Variants in AGPAT5 observed in about 807,000 individuals in gnomAD.
The protein encoded by AGPAT5 is 1-acylglycerol-3-phosphate O-acyltransferase 5, also known as 1-acyl-sn-glycerol-3-phosphate acyltransferase epsilon.
AGPAT5 carries 46 observed loss-of-function variants against 45.6 expected under a neutral mutation model. The observed-to-expected ratio is 1.01, with a 90% CI of 0.80 to 1.29. The LOEUF (loss-of-function observed/expected upper bound fraction) is 1.29, where lower values mean the gene tolerates loss of function less well. Ranked by LOEUF, AGPAT5 falls within the 50% of genes most tolerant of loss-of-function variation. AGPAT5 has a pLI of 0.00. For missense variants in AGPAT5, 673 were observed against 450.7 expected, an observed-to-expected ratio of 1.49 and a Z score of -4.47; for synonymous variants, 272 against 167.0, an observed-to-expected ratio of 1.63 and a Z score of -4.85.
intron 6 of AGPAT5, among the ~76,000 whole-genome samples, chr8:6,753,524 G>A (rs532511505): frequency 5.9e-5 from 9 of 152,248 alleles, no homozygotes; most frequent in African/African-American, 2.2e-4. Flanking sequence ...CATACTGTGT[G>A]CCAAGCACTC....
chr8:6,710,463 T>C (rs1479708789), intron 1 of AGPAT5, among the ~76,000 whole-genome samples: 10 of 152,240 alleles, frequency 6.6e-5, no homozygotes, highest in Admixed American at 6.5e-4. Context: ...CAAAATTTTG[T>C]TTAATGTGTG....
intron 6 of AGPAT5, 95 bp downstream of exon 6, chr8:6,747,923 T>C (rs1432273672): frequency 2.3e-6 from 3 of 1,331,378 alleles, no homozygotes; most frequent in South Asian, 3.2e-5. Flanking sequence ...TTAAGTGTAC[T>C]TTTTTCCTTC....
chr8:6,735,448 C>G (rs889885140), intron 4 of AGPAT5, among the ~76,000 whole-genome samples: 1 of 152,128 alleles, frequency 6.6e-6, no homozygotes, highest in Non-Finnish European at 1.5e-5. Flanking sequence ...TGTCTGTAGC[C>G]CAGGGGTTCG....
chr8:6,736,080 C>G (rs1160539609), intron 4 of AGPAT5, among the ~76,000 whole-genome samples: 4 of 152,120 alleles, frequency 2.6e-5, no homozygotes. Context: ...TCTCGAACTC[C>G]TGACCTCTTG....
chr8:6,718,575 G>C (rs1559743), intron 1 of AGPAT5, among the ~76,000 whole-genome samples: 5,861 of 152,300 alleles, frequency 0.038, 125 homozygotes, highest in Non-Finnish European at 0.049. Context: ...TAGTCTGCAA[G>C]CATCCTGATT....
At chr8:6,751,894 G>A (rs1247903326) in intron 6 of AGPAT5, among the ~76,000 whole-genome samples, 1 of 152,064 alleles carries the variant, frequency 6.6e-6, no homozygotes, top group African/African-American at 2.4e-5. Context: ...TTTAAAGTAT[G>A]GAGGCCGGGC....
chr8:6,757,577 A>G lies in AGPAT5; in HGVS notation c.*189A>G. 1.8e-6 allele frequency: 1 copy of G among 565,106 alleles called. No individual in the cohort carries two copies. Among genetic ancestry groups the G allele is most frequent in the African/African-American group, 1.9e-5 (1 of 53,432 alleles). The allele number at this position is 565,106 out of a possible 1,614,324, so 35.0% of individuals were successfully genotyped here. ...TTGGGCAAACATACCTGGTTGTACA[A>G]CTTTAGCATCGGGGCTGCTGGAAGG... On this transcript the variant is annotated 3_prime_UTR_variant, in exon 8 of 8. Coordinates refer to ENST00000285518, the MANE Select transcript of AGPAT5 (RefSeq NM_018361.5).
intron 4 of AGPAT5, among the ~76,000 whole-genome samples, chr8:6,734,804 C>T (rs1033714621): frequency 1.8e-4 from 27 of 151,974 alleles, no homozygotes; most frequent in African/African-American, 6.5e-4. Context: ...AGGAGGTGCA[C>T]TGCATTTGGG....
intron 1 of AGPAT5, among the ~76,000 whole-genome samples, chr8:6,715,856 G>C (rs953473595): frequency 5.3e-5 from 8 of 152,108 alleles, no homozygotes; most frequent in Non-Finnish European, 1.2e-4. Context: ...TTTTTACTTT[G>C]AACATGCGTA....
intron 1 of AGPAT5, among the ~76,000 whole-genome samples, chr8:6,718,804 C>T (rs1800411239): frequency 6.6e-6 from 1 of 152,152 alleles, no homozygotes; most frequent in South Asian, 2.1e-4. Context: ...TTCTTTCATT[C>T]CTGATCATCC....
At chr8:6,732,798 A>T in intron 4 of AGPAT5, 148 bp downstream of exon 4, 1 of 718,260 alleles carries the variant, frequency 1.4e-6, no homozygotes, top group Non-Finnish European at 2.2e-6. Flanking sequence ...GAAACCCTCT[A>T]TGTACAGGTA....
At chr8:6,714,141 C>G (rs951128162) in intron 1 of AGPAT5, among the ~76,000 whole-genome samples, 2 of 152,146 alleles carry the variant, frequency 1.3e-5, no homozygotes, top group African/African-American at 4.8e-5. Context: ...TCTCTGATAC[C>G]TATAGTCCTA....
intron 4 of AGPAT5, among the ~76,000 whole-genome samples, chr8:6,736,294 G>A (rs1369312699): frequency 6.6e-6 from 1 of 152,138 alleles, no homozygotes; most frequent in Non-Finnish European, 1.5e-5. Flanking sequence ...TTCCACTAAT[G>A]TCCTTTTTCT....
chr8:6,714,781 A>C (rs1196320504), intron 1 of AGPAT5, among the ~76,000 whole-genome samples: 1 of 152,186 alleles, frequency 6.6e-6, no homozygotes, highest in South Asian at 2.1e-4. Flanking sequence ...CACGAAATAT[A>C]CCTGCATACC....
Position 6,732,571 on chromosome 8 carries a change from T to G in AGPAT5, c.416T>G (p.Ile139Ser). ...ATTTGATTGTGGCAGCATGGAGGAA[T>G]CTATGTAAAGCGCAGTGCCAAATTT... ...YGCYFAQHGG[I>S]YVKRSAKFNE... The change falls in exon 4 of 8, where the codon ATC becomes AGC. Residue 139 changes from isoleucine to serine, a missense_variant. By Grantham distance (142) the Ile-to-Ser change is moderately radical. Coordinates refer to ENST00000285518, the MANE Select transcript of AGPAT5 (RefSeq NM_018361.5). The G allele has an allele frequency of 6.2e-7, 1 of 1,603,838 alleles. No homozygotes were observed. Among genetic ancestry groups the G allele is most frequent in the African/African-American group, 1.3e-5 (1 of 74,398 alleles).
At chr8:6,732,680 A>T (rs1398386142) in intron 4 of AGPAT5, 30 bp downstream of exon 4, 1 of 1,508,788 alleles carries the variant, frequency 6.6e-7, no homozygotes, top group African/African-American at 1.4e-5. Flanking sequence ...TATTTTTCTT[A>T]CCAGCTCTCA....
rs1801597314 is a variant in AGPAT5 at position 6,749,736 on chromosome 8, T to C, written c.745+1908T>C. Among the ~76,000 whole-genome samples the C allele has an allele frequency of 3.9e-5, 6 of 152,198 alleles. No homozygotes were observed. In the South Asian group the frequency reaches 1.2e-3, roughly 31 times the overall value. On this transcript the variant is annotated intron_variant, in intron 6 of 7. Transcript: ENST00000285518. Reference sequence around the variant, plus strand: ...GTTCATCAAGATTGTCGTTGGTTTATTAAACATAGTTTAAGATTAAACAAG... The same window carrying C: ...GTTCATCAAGATTGTCGTTGGTTTACTAAACATAGTTTAAGATTAAACAAG...
intron 4 of AGPAT5, among the ~76,000 whole-genome samples, chr8:6,734,430 C>T (rs572647853): frequency 6.6e-6 from 1 of 152,208 alleles, no homozygotes; most frequent in East Asian, 1.9e-4. Context: ...GTGTTTCATT[C>T]CTCACATTTC....
At chr8:6,712,561 G>GTA (rs1227449416) in intron 1 of AGPAT5, among the ~76,000 whole-genome samples, 1 of 152,124 alleles carries the variant, frequency 6.6e-6, no homozygotes, top group Non-Finnish European at 1.5e-5. Flanking sequence ...GTAAGAGGCC[G>GTA]TATATATATC....
Sources: gnomAD v4.1 joint callset for allele counts (sites outside exome capture counted in the v4.1 genomes callset) on GRCh38, gnomAD v4.1.1 for gene constraint, MANE v1.5 for transcripts, NCBI Gene and HGNC (gene_info 2026-07-23, HGNC 2026-07-21) for gene names.